Variants in ERBB4 observed in about 807,000 individuals in gnomAD.
ERBB4 encodes erb-b2 receptor tyrosine kinase 4.
A neutral mutation model predicts 158.0 loss-of-function variants in ERBB4; 42 were observed. The observed-to-expected ratio is 0.27, with a 90% CI of 0.21 to 0.34. ERBB4 has a LOEUF of 0.34. Among genes scored for constraint, ERBB4 ranks in the 10% least tolerant of loss-of-function variants. The probability of loss-of-function intolerance (pLI) is 1.00; values close to 1 mark genes in which losing one functional copy is unlikely to be tolerated. For synonymous variants in ERBB4, 583 were observed against 558.7 expected (o/e 1.04, Z -0.61); for missense variants, 1,333 against 1,624.1 (o/e 0.82, Z 3.08).
chr2:211,609,715 G>A (rs894299250), intron 19 of ERBB4, among the ~76,000 whole-genome samples: 2 of 152,042 alleles, frequency 1.3e-5, no homozygotes, highest in African/African-American at 4.8e-5. Flanking sequence ...GGTAGAGATG[G>A]GGTCTTGCTA....
chr2:212,094,504 A>G (rs2125500423), intron 2 of ERBB4, among the ~76,000 whole-genome samples: 1 of 151,532 alleles, frequency 6.6e-6, no homozygotes, highest in East Asian at 1.9e-4. Context: ...GATTTCAATC[A>G]AACTTGTTCT....
intron 3 of ERBB4, among the ~76,000 whole-genome samples, chr2:211,847,752 C>T (rs1313232801): frequency 6.6e-6 from 1 of 152,128 alleles, no homozygotes; most frequent in African/African-American, 2.4e-5. Flanking sequence ...CACCCGGCTA[C>T]AGCCATCACT....
chr2:211,952,391 A>T (rs895277840), intron 2 of ERBB4, among the ~76,000 whole-genome samples: 1 of 152,062 alleles, frequency 6.6e-6, no homozygotes, highest in African/African-American at 2.4e-5. Flanking sequence ...GATCTGGATA[A>T]AAAGTGAAGA....
At chr2:211,662,001 T>C (rs1431468020) in intron 15 of ERBB4, among the ~76,000 whole-genome samples, 126 of 110,194 alleles carry the variant, frequency 1.1e-3, no homozygotes, top group Non-Finnish European at 1.8e-3. Flanking sequence ...ATCCCGCCAC[T>C]GCACTCCAGC....
chr2:212,245,229 C>T (rs1290944372), intron 1 of ERBB4, among the ~76,000 whole-genome samples: 1 of 152,046 alleles, frequency 6.6e-6, no homozygotes, highest in East Asian at 1.9e-4. Flanking sequence ...AAATCCTCCT[C>T]CTGACTAGTA....
At chr2:212,099,423 T>C (rs2079021292) in intron 2 of ERBB4, among the ~76,000 whole-genome samples, 1 of 152,128 alleles carries the variant, frequency 6.6e-6, no homozygotes, top group Non-Finnish European at 1.5e-5. Flanking sequence ...TCTTAAATAG[T>C]AAAATAACTA....
chr2:211,429,018 A>ATC, intron 21 of ERBB4, among the ~76,000 whole-genome samples: 1 of 151,896 alleles, frequency 6.6e-6, no homozygotes, highest in African/African-American at 2.4e-5. Flanking sequence ...GGTCATACTT[A>ATC]TTTTTTTAAA....
chr2:212,010,823 T>A (rs1241714466), intron 2 of ERBB4, among the ~76,000 whole-genome samples: 2 of 152,084 alleles, frequency 1.3e-5, no homozygotes, highest in African/African-American at 2.4e-5. Context: ...AGGGGCCGTT[T>A]ATAGACCTCT....
At chr2:211,426,971 A>G (rs917743713) in intron 22 of ERBB4, among the ~76,000 whole-genome samples, 6 of 152,066 alleles carry the variant, frequency 3.9e-5, no homozygotes, top group African/African-American at 1.4e-4. Context: ...ACAATAGTTT[A>G]GCAAGTAAGT....
At chr2:212,043,176 T>C (rs2077179914) in intron 2 of ERBB4, among the ~76,000 whole-genome samples, 1 of 152,130 alleles carries the variant, frequency 6.6e-6, no homozygotes, top group Non-Finnish European at 1.5e-5. Flanking sequence ...AGCAACTAAG[T>C]CTTTACTTAA....
intron 1 of ERBB4, among the ~76,000 whole-genome samples, chr2:212,514,350 A>C (rs1462949025): frequency 1.3e-5 from 2 of 152,258 alleles, no homozygotes; most frequent in Non-Finnish European, 2.9e-5. Flanking sequence ...TTAACAAGGT[A>C]CTTAAAAGTA....
intron 1 of ERBB4, among the ~76,000 whole-genome samples, chr2:212,439,101 A>G (rs2092198383): frequency 6.6e-6 from 1 of 152,150 alleles, no homozygotes; most frequent in Non-Finnish European, 1.5e-5. Flanking sequence ...TGAAAGGAAC[A>G]CACTTTCAAC....
intron 1 of ERBB4, among the ~76,000 whole-genome samples, chr2:212,221,107 C>G (rs2083276241): frequency 6.6e-6 from 1 of 151,318 alleles, no homozygotes; most frequent in South Asian, 2.1e-4. Flanking sequence ...GATCATGAAA[C>G]AGGGGGTGGT....
intron 1 of ERBB4, among the ~76,000 whole-genome samples, chr2:212,158,889 ATAT>A (rs760264871): frequency 6.6e-6 from 1 of 152,062 alleles, no homozygotes; most frequent in Non-Finnish European, 1.5e-5. Flanking sequence ...GGTAGATACA[ATAT>A]TATAGCATAC....
chr2:212,534,351 C>T (rs1692924578), intron 1 of ERBB4, among the ~76,000 whole-genome samples: 3 of 152,164 alleles, frequency 2.0e-5, no homozygotes, highest in Admixed American at 2.0e-4. Flanking sequence ...AGCAGTGGTC[C>T]ACCTTCCTTC....
At chr2:212,225,003 T>A (rs2105965146) in intron 1 of ERBB4, among the ~76,000 whole-genome samples, 1 of 152,202 alleles carries the variant, frequency 6.6e-6, no homozygotes, top group East Asian at 1.9e-4. Flanking sequence ...TCAATAAAAA[T>A]TCAATTTTTT....
At chr2:211,675,692 T>C (rs2072033675) in intron 13 of ERBB4, among the ~76,000 whole-genome samples, 1 of 149,914 alleles carries the variant, frequency 6.7e-6, no homozygotes, top group Non-Finnish European at 1.5e-5. Context: ...TGATTTTCAT[T>C]TTTCCCTTCA....
At chr2:212,100,831 A>T (rs2079062307) in intron 2 of ERBB4, among the ~76,000 whole-genome samples, 1 of 152,166 alleles carries the variant, frequency 6.6e-6, no homozygotes, top group Non-Finnish European at 1.5e-5. Context: ...CATTTAGATA[A>T]CTAGGCCTTG....
intron 20 of ERBB4, among the ~76,000 whole-genome samples, chr2:211,450,145 G>C (rs913009510): frequency 6.6e-6 from 1 of 152,216 alleles, no homozygotes; most frequent in African/African-American, 2.4e-5. Context: ...TACATGTGCA[G>C]AACTGGGATT....
Sources: gnomAD v4.1 joint callset for allele counts (sites outside exome capture counted in the v4.1 genomes callset) on GRCh38, gnomAD v4.1.1 for gene constraint, MANE v1.5 for transcripts, NCBI Gene and HGNC (gene_info 2026-07-23, HGNC 2026-07-21) for gene names.